Variants in NOD2 observed in about 807,000 individuals in gnomAD.
NOD2 encodes the protein nucleotide binding oligomerization domain containing 2.
A neutral mutation model predicts 90.9 loss-of-function variants in NOD2; 86 were observed. That is an observed-to-expected ratio of 0.95 (90% CI 0.79 to 1.13). NOD2 has a LOEUF of 1.13. Ranked by LOEUF, NOD2 falls within the 50% of genes most tolerant of loss-of-function variation. NOD2 has a pLI of 0.00. For synonymous variants in NOD2, 581 were observed against 554.6 expected, an observed-to-expected ratio of 1.05 and a Z score of -0.67; for missense variants, 1,238 against 1,283.8, an observed-to-expected ratio of 0.96 and a Z score of 0.55.
At chr16:50,722,578 A>G in intron 7 of NOD2, 44 bp from the exon 8 acceptor site, 2 of 1,539,334 alleles carry the variant, frequency 1.3e-6, no homozygotes, top group Non-Finnish European at 9.0e-7. Flanking sequence ...AACACATATC[A>G]GGTACTCACT....
In NOD2 at chr16:50,720,016, G is replaced by T; in HGVS notation, c.2633+8G>T. On this transcript the variant is annotated splice_region_variant and intron_variant, in intron 7 of 11. Transcript: ENST00000647318. ...CTCCTTGCAGTTCCTGGGGTAGGTT[G>T]GATTCCAGGAAGAGGGACCTGCATG... 1 of 1,613,262 alleles carries T rather than the reference G, an allele frequency of 6.2e-7. No homozygotes were observed. The highest frequency in any genetic ancestry group is 1.1e-5 in the South Asian group (1 of 91,058).
At position 50,710,696 on chromosome 16, in the gene NOD2, A is replaced by T. The variant is rs1964425228; in HGVS notation, c.704A>T (p.Asp235Val). The T allele has an allele frequency of 7.4e-6, 12 of 1,613,804 alleles. No individual in the cohort carries two copies. The East Asian group carries it at 2.7e-4, about 36-fold the overall frequency. ...YTENVLEVWA[D>V]VGMAGPPQKS... ...GAGAATGTCCTGGAGGTCTGGGCAG[A>T]TGTGGGCATGGCTGGACCCCCGCAG... The change falls in exon 4 of 12, where the codon GAT (aspartate) becomes GTT (valine). Residue 235 changes from aspartate to valine, a missense_variant. Coordinates refer to ENST00000647318, the MANE Select transcript of NOD2 (RefSeq NM_001370466.1).
In NOD2 at chr16:50,716,672, T is replaced by A. The variant is rs1964811720; in HGVS notation, c.2465+2T>A. 6.2e-7 allele frequency: 1 copy of A among 1,613,862 alleles called. No individual in the cohort carries two copies. The highest frequency in any genetic ancestry group is 8.5e-7 in the Non-Finnish European group (1 of 1,179,868). ...CTGCGAGCAATTGCAGAAGTTAGCG[T>A]AAGTCAGCCTGGGCTGTGGACAATG... On this transcript the variant is annotated splice_donor_variant, in intron 5 of 11. Transcript: ENST00000647318. LOFTEE classifies it high-confidence loss of function.
chr16:50,728,245 G>T, intron 10 of NOD2: 1 of 263,414 alleles, frequency 3.8e-6, no homozygotes, highest in Middle Eastern at 9.6e-4. Flanking sequence ...AGCTTCTGAT[G>T]GCCTGCCAGT....
In NOD2 at chr16:50,699,921, A is replaced by T; in HGVS notation, c.426A>T (p.Glu142Asp). ...TCGTCAGCCAGTATGAATGTGATGA[A>T]ATCAGGTTGCCGATCTTCACACCGT... ...RGFVSQYECD[E>D]IRLPIFTPSQ... Residue 142 changes from glutamate (E) to aspartate (D), a missense_variant, in exon 2 of 12, where the codon GAA becomes GAT. Transcript: ENST00000647318. 6.2e-7 allele frequency: 1 copy of T among 1,610,284 alleles called. No individual in the cohort carries two copies. The highest frequency in any genetic ancestry group is 8.5e-7 in the Non-Finnish European group (1 of 1,179,958).
At chr16:50,707,329 G>A (rs1248820173) in intron 2 of NOD2, among the ~76,000 whole-genome samples, 1 of 152,202 alleles carries the variant, frequency 6.6e-6, no homozygotes, top group African/African-American at 2.4e-5. Flanking sequence ...GAGGAAGGCT[G>A]TCGGTTTGGC....
chr16:50,722,854 G>A, intron 8 of NOD2, 149 bp downstream of exon 8: 2 of 768,120 alleles, frequency 2.6e-6, no homozygotes, highest in Admixed American at 2.0e-5. Flanking sequence ...GATTTCAAGA[G>A]AGGACACTCG....
chr16:50,728,039 G>GT (rs1287279389), intron 10 of NOD2: 1 of 248,374 alleles, frequency 4.0e-6, no homozygotes, highest in East Asian at 1.0e-4. Context: ...CTGTTGTTGT[G>GT]TAGAATAAGA....
chr16:50,718,704 C>G (rs1427895206), intron 6 of NOD2, among the ~76,000 whole-genome samples: 5 of 152,198 alleles, frequency 3.3e-5, no homozygotes, highest in Non-Finnish European at 7.3e-5. Context: ...GGTAATAACC[C>G]TGGCTACCTC....
At chr16:50,721,183 C>T (rs564912516) in intron 7 of NOD2, among the ~76,000 whole-genome samples, 24 of 151,996 alleles carry the variant, frequency 1.6e-4, no homozygotes, top group African/African-American at 5.8e-4. Context: ...TTAGTAGCAA[C>T]AGAGTCTAGA....
intron 7 of NOD2, among the ~76,000 whole-genome samples, chr16:50,721,808 AAG>A (rs1646318650): frequency 6.6e-6 from 1 of 152,178 alleles, no homozygotes; most frequent in Non-Finnish European, 1.5e-5. Context: ...TCATTTTTCA[AAG>A]AGCTGCAGAG....
rs59368189 is a variant in NOD2, at chr16:50,694,693, T to A, written c.-9+1031T>A. Among the ~76,000 whole-genome samples, 443 of 152,290 alleles carry A rather than the reference T, an allele frequency of 2.9e-3. 5 individuals are homozygous for A. Among genetic ancestry groups the A allele is most frequent in the African/African-American group, 0.01 (419 of 41,558 alleles). The stretch of plus-strand genomic sequence containing the variant: ...ATTCTACACCTTGGTTCCATGTCTG[T>A]CTCCCGGAGCCATGCAGAGCAAGTC... On this transcript the variant is annotated intron_variant, in intron 1 of 11. Transcript: ENST00000647318.
Position 50,707,913 on chromosome 16 carries a change from TACA to T in NOD2, c.522_524del (p.Gln174del). The T allele has an allele frequency of 6.2e-7, 1 of 1,614,142 alleles. No individual in the cohort carries two copies. Among genetic ancestry groups the T allele is most frequent in the Non-Finnish European group, 8.5e-7 (1 of 1,179,964 alleles). ...GCGAATGGATTGGCTGCCTTCCTTC[TACA>T]ACATGTTCAGGAATTACCAGTCCCA... On this transcript the variant is annotated inframe_deletion, in exon 3 of 12. Transcript: ENST00000647318.
intron 9 of NOD2, among the ~76,000 whole-genome samples, chr16:50,724,715 CA>C (rs957985140): frequency 6.6e-6 from 1 of 152,202 alleles, no homozygotes; most frequent in Non-Finnish European, 1.5e-5. Context: ...CATAGGAACT[CA>C]AAGTACAGAG....
chr16:50,710,732 C>T lies in NOD2; in HGVS notation c.740C>T (p.Ala247Val). ...GCTGGACCCCCGCAGAAGAGCCCAGCCACCCTGGGCCTGGAGGAGCTCTTC... is the reference window on the plus strand; with the variant it reads ...GCTGGACCCCCGCAGAAGAGCCCAGTCACCCTGGGCCTGGAGGAGCTCTTC... The part of the protein sequence containing the change: ...GMAGPPQKSP[A>V]TLGLEELFST... Residue 247 changes from alanine (A) to valine (V), a missense_variant, in exon 4 of 12, where the codon GCC (alanine) becomes GTC (valine). This residue lies in a region of NOD2 where 567 missense variants were observed against 577.3 expected (regional missense o/e 0.98). Coordinates refer to ENST00000647318, the MANE Select transcript of NOD2 (RefSeq NM_001370466.1). The T allele has an allele frequency of 1.2e-6, 2 of 1,613,808 alleles. No individual in the cohort carries two copies. Among genetic ancestry groups the T allele is most frequent in the Non-Finnish European group, 1.7e-6 (2 of 1,179,798 alleles).
At chr16:50,716,051 T>C (rs1964777330) in intron 4 of NOD2, among the ~76,000 whole-genome samples, 1 of 152,134 alleles carries the variant, frequency 6.6e-6, no homozygotes, top group Non-Finnish European at 1.5e-5. Context: ...GACTAGCCTG[T>C]TGGAGTGGTG....
In NOD2 at chr16:50,699,732, T is replaced by A. The variant is rs1446596391; in HGVS notation, c.237T>A (p.Ala79=). 1.9e-6 allele frequency: 3 copies of A among 1,614,004 alleles called. No individual in the cohort carries two copies. The highest frequency in any genetic ancestry group is 1.3e-5 in the African/African-American group (1 of 74,934). ...GGGCCTGTCAGAAGCTCATCGCGGC[T>A]GCCCAAGAAGCCCAGGCCGACAGCC... The part of the protein sequence containing the change: ...GTWACQKLIA[A]AQEAQADSQS... The change falls in exon 2 of 12, where the codon GCT becomes GCA. Residue 79 remains alanine, a synonymous_variant. Transcript: ENST00000647318.
chr16:50,698,656 G>A (rs964076873), intron 1 of NOD2, among the ~76,000 whole-genome samples: 7 of 152,180 alleles, frequency 4.6e-5, no homozygotes, highest in Non-Finnish European at 8.8e-5. Flanking sequence ...GTGACACATC[G>A]TACAAATCAC....
intron 1 of NOD2, chr16:50,696,568 A>G (rs981250653): frequency 2.0e-5 from 3 of 152,516 alleles, no homozygotes; most frequent in African/African-American, 7.2e-5. Context: ...TTCCCAATTT[A>G]AACTGAAGCA....
Sources: allele counts gnomAD v4.1 joint callset (sites outside exome capture counted in the v4.1 genomes callset), GRCh38; gene constraint gnomAD v4.1.1; regional missense constraint gnomAD v4.1.1; transcripts MANE v1.5; gene names NCBI Gene and HGNC (gene_info 2026-07-23, HGNC 2026-07-21).